The following PUDP variants were observed in gnomAD, a reference collection of about 807,000 sequenced individuals.
The protein encoded by PUDP is pseudouridine-5'-phosphatase.
A neutral mutation model predicts 9.4 loss-of-function variants in PUDP; 8 were observed. That is an observed-to-expected ratio of 0.85 (90% CI 0.50 to 1.53). The LOEUF is 1.53. PUDP is among the 40% of genes most tolerant of loss of function. PUDP has a pLI of 0.00. For synonymous variants in PUDP, 99 were observed against 80.7 expected, an observed-to-expected ratio of 1.23 and a Z score of -1.22; for missense variants, 188 against 189.7, an observed-to-expected ratio of 0.99 and a Z score of 0.05.
chrX:6,809,423 G>T (rs1020156291), intron 3 of PUDP, among the ~76,000 whole-genome samples: 1 of 109,024 alleles, frequency 9.2e-6, no homozygotes, highest in African/African-American at 3.3e-5. Context: ...TTGCTCCCCA[G>T]TAGCTGGGAC....
intron 3 of PUDP, among the ~76,000 whole-genome samples, chrX:6,972,827 T>C (rs1362354857): frequency 8.9e-6 from 1 of 111,944 alleles, no homozygotes. Flanking sequence ...GCTCTGAATC[T>C]ATCTGGTCCT....
intron 1 of PUDP, among the ~76,000 whole-genome samples, chrX:7,106,192 T>A (rs1322739318): frequency 3.5e-5 from 4 of 112,795 alleles, no homozygotes; most frequent in Non-Finnish European, 7.5e-5. Flanking sequence ...TTACTCGGTG[T>A]TCCCAACAAC....
chrX:6,980,534 C>T (rs1929017639), intron 1 of PUDP, among the ~76,000 whole-genome samples: 1 of 110,808 alleles, frequency 9.0e-6, no homozygotes, highest in African/African-American at 3.3e-5. Context: ...TAACTTCCTC[C>T]TTTGTTGTTG....
intron 3 of PUDP, among the ~76,000 whole-genome samples, chrX:6,904,709 T>C (rs1008696976): frequency 1.8e-5 from 2 of 111,807 alleles, no homozygotes; most frequent in Non-Finnish European, 3.8e-5. Context: ...GGAAGAGATA[T>C]ATAATTCAAT....
chrX:7,126,701 A>T (rs763103452), intron 1 of PUDP, among the ~76,000 whole-genome samples: 1 of 111,072 alleles, frequency 9.0e-6, no homozygotes, highest in Non-Finnish European at 1.9e-5. Flanking sequence ...CCCTTTAAAG[A>T]CCTATCTCCA....
upstream of PUDP, among the ~76,000 whole-genome samples, chrX:6,724,664 A>T (rs1924719080): frequency 9.0e-6 from 1 of 111,420 alleles, no homozygotes; most frequent in Non-Finnish European, 1.9e-5. Context: ...ATATTTTAAT[A>T]ATTTGTGCAT....
intron 2 of PUDP, among the ~76,000 whole-genome samples, chrX:7,077,902 A>C (rs2146867192): frequency 8.9e-6 from 1 of 112,632 alleles, no homozygotes; most frequent in African/African-American, 3.2e-5. Flanking sequence ...GTTTTCTGCA[A>C]AAATGCTGTA....
chrX:6,800,496 CTGAT>C (rs1361117400), intron 3 of PUDP, among the ~76,000 whole-genome samples: 1 of 111,938 alleles, frequency 8.9e-6, no homozygotes, highest in Non-Finnish European at 1.9e-5. Context: ...GTTTGTTCCT[CTGAT>C]TGGCCCCTGC....
At chrX:7,135,746 T>G (rs1260749929) in intron 1 of PUDP, among the ~76,000 whole-genome samples, 1 of 111,779 alleles carries the variant, frequency 8.9e-6, no homozygotes, top group Non-Finnish European at 1.9e-5. Context: ...CTTTCCTATT[T>G]TAACTTTTCA....
intron 1 of PUDP, among the ~76,000 whole-genome samples, chrX:6,707,307 G>A (rs752288730): frequency 8.9e-6 from 1 of 111,846 alleles, no homozygotes; most frequent in African/African-American, 3.2e-5. Flanking sequence ...TGCCACCAGA[G>A]ACTGGTTTTG....
chrX:6,806,892 G>A (rs1926058874), intron 3 of PUDP, among the ~76,000 whole-genome samples: 1 of 112,216 alleles, frequency 8.9e-6, no homozygotes, highest in Non-Finnish European at 1.9e-5. Context: ...TAGAAATCTG[G>A]AATTCTCAAG....
chrX:6,795,904 G>A (rs760572542), intron 3 of PUDP, among the ~76,000 whole-genome samples: 21 of 111,947 alleles, frequency 1.9e-4, no homozygotes, highest in Admixed American at 5.7e-4. Flanking sequence ...TCCAGAGAAC[G>A]GGGTGAGAAA....
intron 3 of PUDP, among the ~76,000 whole-genome samples, chrX:6,744,109 T>C (rs1329957619): frequency 1.8e-5 from 2 of 111,935 alleles, no homozygotes; most frequent in Admixed American, 9.5e-5. Context: ...CTACATGCTA[T>C]TTGGAAGAAT....
chrX:6,927,852 A>T (rs370586704), intron 3 of PUDP, among the ~76,000 whole-genome samples: 5 of 111,026 alleles, frequency 4.5e-5, no homozygotes, highest in African/African-American at 1.6e-4. Context: ...GGGGATTACT[A>T]GAGGGAAGGA....
intron 3 of PUDP, among the ~76,000 whole-genome samples, chrX:6,971,443 G>A (rs1280133278): frequency 9.8e-6 from 1 of 102,219 alleles, no homozygotes. Context: ...TTGAGACAGA[G>A]TCTCACTCTG....
At chrX:7,112,485 T>A (rs750757755) in intron 1 of PUDP, among the ~76,000 whole-genome samples, 1 of 111,849 alleles carries the variant, frequency 8.9e-6, no homozygotes, top group Non-Finnish European at 1.9e-5. Context: ...TCTTGATGTA[T>A]CTTGAGCATA....
At chrX:7,131,548 G>T (rs1173041907) in intron 1 of PUDP, among the ~76,000 whole-genome samples, 1 of 109,742 alleles carries the variant, frequency 9.1e-6, no homozygotes, top group Non-Finnish European at 1.9e-5. Flanking sequence ...AAGGAAAAAC[G>T]CAGCCCTGCT....
chrX:6,913,505 G>A (rs1927878569), intron 3 of PUDP, among the ~76,000 whole-genome samples: 1 of 111,632 alleles, frequency 9.0e-6, no homozygotes, highest in African/African-American at 3.2e-5. Flanking sequence ...CTTTTTGCAA[G>A]CATAACAAAA....
intron 1 of PUDP, among the ~76,000 whole-genome samples, chrX:7,030,063 G>C (rs1423275939): frequency 1.0e-4 from 11 of 109,747 alleles, no homozygotes; most frequent in South Asian, 7.9e-4. Context: ...TCAGAATGCA[G>C]AATCAGGTGT....
Sources: gnomAD v4.1 joint callset for allele counts (sites outside exome capture counted in the v4.1 genomes callset) on GRCh38, gnomAD v4.1.1 for gene constraint, MANE v1.5 for transcripts, NCBI Gene and HGNC (gene_info 2026-07-23, HGNC 2026-07-21) for gene names.